The following CACNA1E variants were observed in gnomAD, a reference collection of about 807,000 sequenced individuals.
CACNA1E encodes calcium voltage-gated channel subunit alpha1 E.
Under a neutral mutation model 259.2 loss-of-function variants are expected in CACNA1E, and 40 were observed. The observed-to-expected ratio is 0.15, with a 90% confidence interval of 0.12 to 0.20. The LOEUF (loss-of-function observed/expected upper bound fraction) is 0.20, where lower values mean the gene tolerates loss of function less well. Among genes scored for constraint, CACNA1E ranks in the 10% least tolerant of loss-of-function variants. The probability of loss-of-function intolerance (pLI) is 1.00; values close to 1 mark genes in which losing one functional copy is unlikely to be tolerated. For synonymous variants in CACNA1E, 1,104 were observed against 1,138.5 expected (o/e 0.97, Z 0.61); for missense variants, 1,874 against 3,040.1 (o/e 0.62, Z 9.02).
At chr1:181,499,203 A>G (rs1665034884) in intron 1 of CACNA1E, among the ~76,000 whole-genome samples, 1 of 152,186 alleles carries the variant, frequency 6.6e-6, no homozygotes, top group South Asian at 2.1e-4. Context: ...TCATCTCAGA[A>G]TGGTTGCTGG....
At chr1:181,795,857 T>C (rs1390756636) in intron 46 of CACNA1E, among the ~76,000 whole-genome samples, 2 of 150,990 alleles carry the variant, frequency 1.3e-5, no homozygotes, top group African/African-American at 4.9e-5. Flanking sequence ...ACTTGTCCCA[T>C]GTCATAGGGC....
At position 181,754,575 on chromosome 1, in the gene CACNA1E, C is replaced by T. The variant is rs1344538419; in HGVS notation, c.3829-662C>T. On this transcript the variant is annotated intron_variant, in intron 27 of 47. Transcript: ENST00000367573. ...CTGAAGTGTAAGTCCCTAGTTCTATCTACCCAGCCTCGCCATCTCTAAGAG... is the reference window on the plus strand; with the variant it reads ...CTGAAGTGTAAGTCCCTAGTTCTATTTACCCAGCCTCGCCATCTCTAAGAG... 3.3e-5 allele frequency among the ~76,000 whole-genome samples: 5 copies of T among 152,216 alleles called. No individual in the cohort carries two copies. In the East Asian group the frequency reaches 9.6e-4, roughly 29 times the overall value.
chr1:181,713,687 G>A (rs1460645547), intron 8 of CACNA1E, among the ~76,000 whole-genome samples: 1 of 152,144 alleles, frequency 6.6e-6, no homozygotes, highest in African/African-American at 2.4e-5. Flanking sequence ...CCCAGCAGCT[G>A]GGATCTTAGG....
At chr1:181,450,566 T>C (rs1234915158) in intron 2 of CACNA1E, among the ~76,000 whole-genome samples, 3 of 151,902 alleles carry the variant, frequency 2.0e-5, no homozygotes, top group Non-Finnish European at 4.4e-5. Flanking sequence ...ATTGAGAGAA[T>C]TAGAAACCGA....
intron 8 of CACNA1E, among the ~76,000 whole-genome samples, chr1:181,712,240 T>C (rs1002304114): frequency 5.3e-5 from 8 of 152,228 alleles, no homozygotes; most frequent in Admixed American, 4.6e-4. Context: ...CGGGTTTGCT[T>C]TCTTTATTAT....
Position 181,799,786 on chromosome 1 carries a change from C to T in CACNA1E, c.*952C>T, listed in dbSNP as rs1440954607. On this transcript the variant is annotated 3_prime_UTR_variant, in exon 48 of 48. Transcript: ENST00000367573. Reference sequence around the variant, plus strand: ...AACCCTGAGGGTGTGGGTAGAGTAGCAGGGGCCACCTAAGAGATTAAAAAC... The same window carrying T: ...AACCCTGAGGGTGTGGGTAGAGTAGTAGGGGCCACCTAAGAGATTAAAAAC... 1.4e-5 allele frequency: 2 copies of T among 145,028 alleles called. No homozygotes were observed. Among genetic ancestry groups the T allele is most frequent in the African/African-American group, 5.2e-5 (2 of 38,550 alleles). 9.0% of individuals were successfully genotyped at this position (145,028 alleles called of 1,614,324 possible). A position where few individuals can be genotyped will look rare whatever the true frequency, so the allele number is the denominator to read the frequency against.
intron 3 of CACNA1E, among the ~76,000 whole-genome samples, chr1:181,563,979 A>C (rs1649573258): frequency 6.6e-6 from 1 of 152,210 alleles, no homozygotes; most frequent in Non-Finnish European, 1.5e-5. Context: ...ATCTCTTAAA[A>C]ATACTTTATT....
At chr1:181,475,403 G>A (rs1662775916) in intron 2 of CACNA1E, among the ~76,000 whole-genome samples, 1 of 152,236 alleles carries the variant, frequency 6.6e-6, no homozygotes, top group African/African-American at 2.4e-5. Flanking sequence ...TTTATAGGAG[G>A]TACAGGTCAG....
intron 33 of CACNA1E, among the ~76,000 whole-genome samples, chr1:181,762,880 C>T (rs1658706895): frequency 6.6e-6 from 1 of 152,178 alleles, no homozygotes; most frequent in Admixed American, 6.5e-5. Context: ...ACTCAGGCAG[C>T]AGACCTCTAA....
At chr1:181,377,870 C>T (rs1457079120) in intron 1 of CACNA1E, among the ~76,000 whole-genome samples, 2 of 152,204 alleles carry the variant, frequency 1.3e-5, no homozygotes, top group Admixed American at 6.5e-5. Flanking sequence ...AGTCTGGCTC[C>T]AGCATTCCAT....
chr1:181,725,400 A>G (rs923714728), intron 17 of CACNA1E, among the ~76,000 whole-genome samples: 1 of 152,268 alleles, frequency 6.6e-6, no homozygotes, highest in African/African-American at 2.4e-5. Context: ...GGAATGCCAT[A>G]TCTGCATTGT....
At chr1:181,372,997 A>G (rs192586243) in intron 1 of CACNA1E, among the ~76,000 whole-genome samples, 8 of 152,238 alleles carry the variant, frequency 5.3e-5, no homozygotes, top group Non-Finnish European at 1.0e-4. Flanking sequence ...CTACTTGATC[A>G]TGGTGAATTA....
chr1:181,765,879 A>G (rs948441323), intron 34 of CACNA1E, among the ~76,000 whole-genome samples: 3 of 152,154 alleles, frequency 2.0e-5, no homozygotes, highest in Non-Finnish European at 4.4e-5. Flanking sequence ...TAAAACTGAA[A>G]TGTTATCCCA....
intron 7 of CACNA1E, among the ~76,000 whole-genome samples, chr1:181,652,696 T>C (rs113177155): frequency 1.3e-5 from 2 of 152,236 alleles, no homozygotes; most frequent in African/African-American, 4.8e-5. Context: ...AAAGTCCTTG[T>C]AAGGAACATT....
intron 25 of CACNA1E, among the ~76,000 whole-genome samples, chr1:181,744,271 C>T (rs751111659): frequency 1.3e-5 from 2 of 152,220 alleles, no homozygotes; most frequent in Non-Finnish European, 2.9e-5. Flanking sequence ...GAGTTATATA[C>T]ACAGGCATGG....
At position 181,798,388 on chromosome 1, in the gene CACNA1E, C is replaced by T. The variant is rs762551756; in HGVS notation, c.6496C>T (p.Pro2166Ser). 5.0e-6 allele frequency: 8 copies of T among 1,613,194 alleles called. No homozygotes were observed. In the Admixed American group the frequency reaches 1.3e-4, roughly 27 times the overall value. ...GCAGCTCCCACCCGTCCCGCCAAAGCCCCGGCCCCTCCTTTCCTACAGCTC... is the reference window on the plus strand; with the variant it reads ...GCAGCTCCCACCCGTCCCGCCAAAGTCCCGGCCCCTCCTTTCCTACAGCTC... ...RRQLPPVPPK[P>S]RPLLSYSSLI... The change falls in exon 48 of 48, where the codon CCC (proline) becomes TCC (serine). Residue 2166 changes from proline (P) to serine (S), a missense_variant. Around this residue, in one of 14 missense-constraint regions of CACNA1E, gnomAD observed 542 missense variants for 587.2 expected, o/e 0.92. Transcript: ENST00000367573. The surrounding 1 kb of genome is among the most constrained non-coding windows in gnomAD (Gnocchi z 4.2).
At chr1:181,533,902 G>A (rs896348480) in intron 3 of CACNA1E, among the ~76,000 whole-genome samples, 2 of 151,948 alleles carry the variant, frequency 1.3e-5, no homozygotes, top group African/African-American at 4.8e-5. Context: ...ATTCGTTGAT[G>A]TTATATCCAG....
intron 7 of CACNA1E, among the ~76,000 whole-genome samples, chr1:181,652,544 C>G: frequency 6.6e-6 from 1 of 152,162 alleles, no homozygotes; most frequent in Middle Eastern, 3.2e-3. Flanking sequence ...GATAGGAAAG[C>G]TGAAGTTTAA....
intron 8 of CACNA1E, among the ~76,000 whole-genome samples, chr1:181,714,817 C>A (rs568325157): frequency 6.6e-6 from 1 of 152,204 alleles, no homozygotes; most frequent in Non-Finnish European, 1.5e-5. Context: ...ACAAGCCCCC[C>A]TCCTGTCTCC....
Sources: gnomAD v4.1 joint callset for allele counts (sites outside exome capture counted in the v4.1 genomes callset) on GRCh38, gnomAD v4.1.1 for gene constraint, gnomAD v4.1.1 regional missense constraint, Gnocchi (gnomAD v3.1) non-coding constraint, MANE v1.5 for transcripts, NCBI Gene and HGNC (gene_info 2026-07-23, HGNC 2026-07-21) for gene names.